Variants in PKP2 observed in about 807,000 individuals in gnomAD.
The protein encoded by PKP2 is plakophilin-2.
In PKP2, 73 loss-of-function variants were observed where a neutral mutation model predicts 83.4. The ratio of observed to expected loss-of-function variants is 0.88; its 90% CI spans 0.72 to 1.06. PKP2 has a LOEUF of 1.06. Ranked by LOEUF, PKP2 falls within the 50% of genes least tolerant of loss-of-function variation. The pLI, the probability that PKP2 is intolerant of heterozygous loss-of-function variation, is 0.00. For missense variants in PKP2, 966 were observed against 1,065.4 expected, an observed-to-expected ratio of 0.91 and a Z score of 1.30; for synonymous variants, 409 against 430.4, an observed-to-expected ratio of 0.95 and a Z score of 0.62.
chr12:32,884,551 T>C (rs1167568482), intron 1 of PKP2, among the ~76,000 whole-genome samples: 2 of 152,236 alleles, frequency 1.3e-5, no homozygotes, highest in Non-Finnish European at 1.5e-5. Context: ...AAATTTGTTA[T>C]GCTTTTCTCT....
chr12:32,823,780 T>A (rs972309098), intron 7 of PKP2, among the ~76,000 whole-genome samples: 3 of 152,020 alleles, frequency 2.0e-5, no homozygotes, highest in African/African-American at 7.2e-5. Flanking sequence ...TTTTTGTATT[T>A]TTAGTAGAGA....
intron 6 of PKP2, among the ~76,000 whole-genome samples, chr12:32,836,202 TTAAG>T (rs1317258316): frequency 6.6e-6 from 1 of 152,200 alleles, no homozygotes; most frequent in Non-Finnish European, 1.5e-5. Flanking sequence ...TGCATCACCT[TTAAG>T]TGAGTGACTT....
chr12:32,895,056 T>A (rs1441900270), intron 1 of PKP2, among the ~76,000 whole-genome samples: 1 of 152,126 alleles, frequency 6.6e-6, no homozygotes. Flanking sequence ...AACTGATAAG[T>A]TTAAAATTCA....
In PKP2 at chr12:32,791,308, ACT is replaced by A. The variant is rs1956063477; in HGVS notation, c.*1114_*1115del. On this transcript the variant is annotated 3_prime_UTR_variant, in exon 13 of 13. Transcript: ENST00000340811. ...ACATCTTCTTCAACATGACTTCTTC[ACT>A]TTTCTTCTCTAGAGTTTTCTTGAGT... is the stretch of plus-strand genomic sequence containing the variant. 6.6e-6 allele frequency: 1 copy of A among 152,206 alleles called. No individual in the cohort carries two copies. The highest frequency in any genetic ancestry group is 2.1e-4 in the South Asian group (1 of 4,830). The allele number at this position is 152,206 out of a possible 1,614,324, so 9.4% of individuals were successfully genotyped here.
chr12:32,809,673 G>A (rs1016385038), intron 9 of PKP2, among the ~76,000 whole-genome samples: 11 of 152,148 alleles, frequency 7.2e-5, no homozygotes, highest in African/African-American at 1.9e-4. Context: ...CTGAGACTCC[G>A]CACAGCTCTG....
rs574818272 is a variant in PKP2 at position 32,853,879 on chromosome 12, T to C, written c.1171-2906A>G. Among the ~76,000 whole-genome samples the C allele has an allele frequency of 2.1e-4, 32 of 152,342 alleles. No individual in the cohort carries two copies. In the East Asian group the frequency reaches 6.2e-3, roughly 29 times the overall value. On this transcript the variant is annotated intron_variant, in intron 4 of 12. Coordinates refer to ENST00000340811, the MANE Select transcript of PKP2 (RefSeq NM_001005242.3). Reference sequence around the variant, plus strand: ...TGACTGGCAAAATAGCACTGTGGGATATATACCCGTGTCTTCTGGGTACGA... The same window carrying C: ...TGACTGGCAAAATAGCACTGTGGGACATATACCCGTGTCTTCTGGGTACGA...
chr12:32,860,099 A>G (rs1472316877), intron 4 of PKP2, among the ~76,000 whole-genome samples: 1 of 152,204 alleles, frequency 6.6e-6, no homozygotes, highest in East Asian at 1.9e-4. Flanking sequence ...GCGATCCCTT[A>G]GATATCACTG....
chr12:32,868,785 G>A (rs1956871287), intron 4 of PKP2, 142 bp downstream of exon 4: 1 of 942,004 alleles, frequency 1.1e-6, no homozygotes, highest in Non-Finnish European at 1.7e-6. Flanking sequence ...GCCTCCCAAA[G>A]TGCTGGGAAT....
intron 6 of PKP2, among the ~76,000 whole-genome samples, chr12:32,835,097 G>A (rs1056081761): frequency 2.7e-5 from 4 of 149,008 alleles, no homozygotes; most frequent in African/African-American, 9.9e-5. Flanking sequence ...TCTGTTGCCC[G>A]GACTGGAGTG....
rs754912778 is a variant in PKP2, at chr12:32,869,034, G to A, written c.1063C>T (p.Arg355Ter). ...GNADMEMTLE[R>*]AVSMLEADHM... Reference sequence around the variant, plus strand: ...TCTGCCTCGAGCATACTCACTGCTCGCTCCAGAGTCATCTCCATGTCTGCA... The same window carrying A: ...TCTGCCTCGAGCATACTCACTGCTCACTCCAGAGTCATCTCCATGTCTGCA... The change falls in exon 4 of 13, where the codon CGA (arginine) becomes TGA (stop). Residue 355 changes from arginine (R) to a stop codon, truncating the protein, a stop_gained. Transcript: ENST00000340811. LOFTEE classifies it high-confidence loss of function. 3.1e-6 allele frequency: 5 copies of A among 1,613,872 alleles called. No individual in the cohort carries two copies. The highest frequency in any genetic ancestry group is 2.2e-5 in the East Asian group (1 of 44,880).
chr12:32,836,633 T>G (rs548967693), intron 6 of PKP2, among the ~76,000 whole-genome samples: 2 of 152,348 alleles, frequency 1.3e-5, no homozygotes, highest in South Asian at 4.1e-4. Flanking sequence ...ACACAATGCC[T>G]GAAATACTAC....
intron 9 of PKP2, among the ~76,000 whole-genome samples, chr12:32,814,134 T>G (rs1392919501): frequency 6.6e-6 from 1 of 152,120 alleles, no homozygotes; most frequent in Non-Finnish European, 1.5e-5. Flanking sequence ...CCGTTTTCCC[T>G]CAAATGCATA....
Position 32,841,218 on chromosome 12 carries a change from A to G in PKP2, c.1379-13T>C. Reference sequence around the variant, plus strand: ...TTCCACAGCAAACCTAGAAAAGCACAGAGTTACCATGAAAACAGTGCAGGG... The same window carrying G: ...TTCCACAGCAAACCTAGAAAAGCACGGAGTTACCATGAAAACAGTGCAGGG... On this transcript the variant is annotated splice_polypyrimidine_tract_variant and intron_variant, in intron 5 of 12. Coordinates refer to ENST00000340811, the MANE Select transcript of PKP2 (RefSeq NM_001005242.3). The G allele has an allele frequency of 6.2e-7, 1 of 1,610,318 alleles. No homozygotes were observed. The highest frequency in any genetic ancestry group is 8.5e-7 in the Non-Finnish European group (1 of 1,177,538).
At chr12:32,875,067 T>C (rs1956921238) in intron 3 of PKP2, among the ~76,000 whole-genome samples, 2 of 152,220 alleles carry the variant, frequency 1.3e-5, no homozygotes, top group African/African-American at 2.4e-5. Context: ...ATTTATACAG[T>C]GCCTACTATA....
rs998635059 is a variant in PKP2 at position 32,893,367 on chromosome 12, AC to A, written c.223+3141del. ...TTTCAACAATTGCTTGTCTGTTTCA[AC>A]TTGAGAGACAGGATAGTAACATGGA... is the stretch of plus-strand genomic sequence containing the variant. On this transcript the variant is annotated intron_variant, in intron 1 of 12. Coordinates refer to ENST00000340811, the MANE Select transcript of PKP2 (RefSeq NM_001005242.3). 5.3e-5 allele frequency: 8 copies of A among 152,306 alleles called. No homozygotes were observed. The East Asian group carries it at 1.5e-3, about 29-fold the overall frequency. The allele number at this position is 152,306 out of a possible 1,614,324, so 9.4% of individuals were successfully genotyped here. A position where few individuals can be genotyped will look rare whatever the true frequency, so the allele number is the denominator to read the frequency against.
rs780716388 is a variant in PKP2 at position 32,888,183 on chromosome 12, G to C, written c.223+8326C>G. Among the ~76,000 whole-genome samples the C allele has an allele frequency of 5.3e-5, 8 of 152,250 alleles. No individual in the cohort carries two copies. The South Asian group carries it at 6.2e-4, about 12-fold the overall frequency. On this transcript the variant is annotated intron_variant, in intron 1 of 12. Transcript: ENST00000340811. ...GACAGACGCTGTCTCATGAATGAAT[G>C]AATGAATACACTGTTCATTTCTGTA...
chr12:32,792,488 T>C lies in PKP2; in HGVS notation c.2450A>G (p.Gln817Arg). ...TELHHAYKKA[Q>R]FKKTDFVNSR... is the part of the protein sequence containing the mutation. ...GTTGACAAAATCTGTCTTCTTAAAC[T>C]GAGCCTTTGGAATAAGCAAACAGAA... Residue 817 changes from glutamine (Q) to arginine (R), a missense_variant, in exon 13 of 13, where the codon CAG (glutamine) becomes CGG (arginine). Transcript: ENST00000340811. The C allele has an allele frequency of 6.2e-7, 1 of 1,613,486 alleles. No individual in the cohort carries two copies. Among genetic ancestry groups the C allele is most frequent in the South Asian group, 1.1e-5 (1 of 91,066 alleles).
At chr12:32,841,319 G>A in intron 5 of PKP2, 114 bp from the exon 6 acceptor site, 1 of 795,548 alleles carries the variant, frequency 1.3e-6, no homozygotes, top group South Asian at 1.4e-5. Flanking sequence ...AAAAAAATTT[G>A]GGGGGTTGGG....
At chr12:32,820,294 C>T (rs796827468) in intron 9 of PKP2, 1 of 152,256 alleles carries the variant, frequency 6.6e-6, no homozygotes, top group African/African-American at 2.4e-5. Flanking sequence ...GGAGACTAGA[C>T]AGACAATGAG....
Sources: gnomAD v4.1 joint callset for allele counts (sites outside exome capture counted in the v4.1 genomes callset) on GRCh38, gnomAD v4.1.1 for gene constraint, MANE v1.5 for transcripts, NCBI Gene and HGNC (gene_info 2026-07-23, HGNC 2026-07-21) for gene names.